GSE1: variants seen among roughly 807,000 people sequenced by gnomAD.
GSE1 encodes the protein Gse1 coiled-coil protein.
In GSE1, 32 loss-of-function variants were observed where a neutral mutation model predicts 112.6. The ratio of observed to expected loss-of-function variants is 0.28; its 90% CI spans 0.21 to 0.38. The LOEUF (loss-of-function observed/expected upper bound fraction) is 0.38, where lower values mean the gene tolerates loss of function less well. GSE1 is among the 10% of genes least tolerant of loss of function. GSE1 has a pLI of 1.00. For synonymous variants in GSE1, 1,115 were observed against 735.6 expected (o/e 1.52, Z -8.35); for missense variants, 2,348 against 1,699.2 (o/e 1.38, Z -6.71).
chr16:85,300,653 A>G (rs2045497912), intron 1 of GSE1, among the ~76,000 whole-genome samples: 1 of 152,168 alleles, frequency 6.6e-6, no homozygotes, highest in Non-Finnish European at 1.5e-5. Context: ...TAGTCCATGG[A>G]GTGGTCCGAC....
intron 1 of GSE1, among the ~76,000 whole-genome samples, chr16:85,274,839 C>T (rs1347965947): frequency 1.3e-5 from 2 of 152,372 alleles, no homozygotes; most frequent in East Asian, 3.9e-4. Flanking sequence ...CCTCCAGCAG[C>T]AGGTCACCTG....
At chr16:85,344,824 G>C (rs7187702) in intron 1 of GSE1, among the ~76,000 whole-genome samples, 31,050 of 152,214 alleles carry the variant, frequency 0.2, 3,519 homozygotes, top group East Asian at 0.42. Context: ...AGAAGGGAGG[G>C]GAGGAGCCGG....
chr16:85,281,449 G>A (rs548809556), intron 1 of GSE1, among the ~76,000 whole-genome samples: 1 of 152,248 alleles, frequency 6.6e-6, no homozygotes, highest in African/African-American at 2.4e-5. Context: ...TCTGTAGGTG[G>A]CTAAACCGAG....
At chr16:85,476,531 T>A (rs1441429610) in intron 2 of GSE1, among the ~76,000 whole-genome samples, 1 of 152,192 alleles carries the variant, frequency 6.6e-6, no homozygotes, top group Non-Finnish European at 1.5e-5. Flanking sequence ...TCACCAGCCG[T>A]TTTTGGTTCA....
intron 2 of GSE1, among the ~76,000 whole-genome samples, chr16:85,514,987 G>A (rs974375543): frequency 7.2e-5 from 11 of 152,222 alleles, no homozygotes; most frequent in African/African-American, 2.7e-4. Flanking sequence ...ATGTTTGTGT[G>A]TGTGTGCAGT....
intron 2 of GSE1, among the ~76,000 whole-genome samples, chr16:85,370,406 A>C (rs1358280634): frequency 6.6e-6 from 1 of 152,068 alleles, no homozygotes; most frequent in Admixed American, 6.5e-5. Flanking sequence ...TCTATCCCCA[A>C]ATACACTAAG....
chr16:85,427,988 A>G (rs1163662047), intron 2 of GSE1, among the ~76,000 whole-genome samples: 2 of 152,236 alleles, frequency 1.3e-5, no homozygotes, highest in Non-Finnish European at 2.9e-5. Flanking sequence ...CCTAGAGCAC[A>G]TTACAGTTGG....
chr16:85,291,582 T>A (rs1438443871), intron 1 of GSE1, among the ~76,000 whole-genome samples: 18 of 152,202 alleles, frequency 1.2e-4, no homozygotes, highest in Non-Finnish European at 1.0e-4. Context: ...TTGTGCGCAG[T>A]GTGTGGCCAC....
chr16:85,254,575 T>G (rs1567641723), intron 1 of GSE1, among the ~76,000 whole-genome samples: 1 of 152,170 alleles, frequency 6.6e-6, no homozygotes, highest in Non-Finnish European at 1.5e-5. Flanking sequence ...GGGGGGCCCT[T>G]GCCACCCACT....
At position 85,311,549 on chromosome 16, in the gene GSE1, C is replaced by T. The variant is rs903515786; in HGVS notation, c.2284-45914C>T. Among the ~76,000 whole-genome samples the T allele has an allele frequency of 6.6e-5, 10 of 152,090 alleles. No homozygotes were observed. The highest frequency in any genetic ancestry group is 9.7e-5 in the African/African-American group (4 of 41,416). On this transcript the variant is annotated intron_variant, in intron 1 of 2. Coordinates refer to the GSE1 transcript ENST00000637419. The surrounding 1 kb of genome is among the most constrained non-coding windows in gnomAD (Gnocchi z 4.2). ...GAGGTGCCGGGGTGCTCACCTTCCC[C>T]GAGGCTTTGTTTCCGGATTCTTCTC... is the stretch of plus-strand genomic sequence containing the variant.
intron 1 of GSE1, among the ~76,000 whole-genome samples, chr16:85,289,744 G>A (rs974827876): frequency 6.6e-6 from 1 of 152,208 alleles, no homozygotes; most frequent in Non-Finnish European, 1.5e-5. Context: ...AAGGTCCTGG[G>A]GCAGTCGCCC....
At chr16:85,426,882 G>A (rs998570052) in intron 2 of GSE1, among the ~76,000 whole-genome samples, 1 of 152,190 alleles carries the variant, frequency 6.6e-6, no homozygotes, top group Non-Finnish European at 1.5e-5. Flanking sequence ...AGGGAGAAGT[G>A]CTTGAAAAAT....
chr16:85,531,421 C>T (rs750483037), intron 2 of GSE1, among the ~76,000 whole-genome samples: 3 of 151,970 alleles, frequency 2.0e-5, no homozygotes, highest in Admixed American at 6.6e-5. Context: ...GACTCTCGTC[C>T]ATAGATTCTC....
At chr16:85,456,641 G>GTGTGTGTGTGT (rs1567502079) in intron 2 of GSE1, among the ~76,000 whole-genome samples, 6 of 94,112 alleles carry the variant, frequency 6.4e-5, no homozygotes, top group African/African-American at 2.1e-4. Context: ...TGTGTGTGTG[G>GTGTGTGTGTGT]TCTGCCATTT....
At chr16:85,260,475 A>G (rs1323281407) in intron 1 of GSE1, among the ~76,000 whole-genome samples, 4 of 151,300 alleles carry the variant, frequency 2.6e-5, no homozygotes, top group Non-Finnish European at 5.9e-5. Flanking sequence ...GGTGCCCGCA[A>G]CCACACCTGG....
intron 2 of GSE1, among the ~76,000 whole-genome samples, chr16:85,391,576 C>T (rs149904569): frequency 2.2e-3 from 341 of 152,332 alleles, no homozygotes; most frequent in African/African-American, 7.7e-3. Flanking sequence ...ATCACGTGGC[C>T]GCCTTTCCTC....
At chr16:85,460,800 GAGA>G (rs2049948589) in intron 2 of GSE1, among the ~76,000 whole-genome samples, 1 of 150,920 alleles carries the variant, frequency 6.6e-6, no homozygotes, top group Non-Finnish European at 1.5e-5. Flanking sequence ...GACGGCAATG[GAGA>G]AGGAGCTGAG....
At chr16:85,326,038 C>T (rs1434972480) in intron 1 of GSE1, among the ~76,000 whole-genome samples, 4 of 152,184 alleles carry the variant, frequency 2.6e-5, no homozygotes, top group African/African-American at 9.7e-5. Context: ...TGAGCCACCA[C>T]CCCCAGCTCA....
intron 1 of GSE1, among the ~76,000 whole-genome samples, chr16:85,227,998 G>A (rs550263250): frequency 1.3e-5 from 2 of 152,320 alleles, no homozygotes; most frequent in South Asian, 4.1e-4. Flanking sequence ...GTGGTGGGGA[G>A]CAGGGCCTGG....
Sources: allele counts gnomAD v4.1 joint callset (sites outside exome capture counted in the v4.1 genomes callset), GRCh38; gene constraint gnomAD v4.1.1; non-coding constraint Gnocchi (gnomAD v3.1); transcripts MANE v1.5; gene names NCBI Gene and HGNC (gene_info 2026-07-23, HGNC 2026-07-21).